Variants in PPP1R16A observed in about 807,000 individuals in gnomAD.
The protein encoded by PPP1R16A is myosin phosphatase-targeting subunit 3.
PPP1R16A carries 39 observed loss-of-function variants against 46.6 expected under a neutral mutation model. That is an observed-to-expected ratio of 0.84 (90% CI 0.65 to 1.09). PPP1R16A has a LOEUF of 1.09. Among genes scored for constraint, PPP1R16A ranks in the 50% least tolerant of loss-of-function variants. The probability of loss-of-function intolerance (pLI) is 0.00; values close to 1 mark genes in which losing one functional copy is unlikely to be tolerated. For missense variants in PPP1R16A, 798 were observed against 735.6 expected, an observed-to-expected ratio of 1.08 and a Z score of -0.98; for synonymous variants, 413 against 321.5, an observed-to-expected ratio of 1.28 and a Z score of -3.04.
chr8:144,501,050 G>T, intron 10 of PPP1R16A, 79 bp downstream of exon 10: 1 of 1,533,398 alleles, frequency 6.5e-7, no homozygotes, highest in South Asian at 1.2e-5. Context: ...CAGCCGAACT[G>T]GGGGCAGAGT....
chr8:144,478,249 G>A (rs1825256946), intron 1 of PPP1R16A, 122 bp downstream of exon 1: 2 of 386,208 alleles, frequency 5.2e-6, no homozygotes, highest in East Asian at 3.7e-5. Context: ...AGAGGAGGCC[G>A]GGCCGGGGAA....
At chr8:144,492,334 C>CTTT (rs5895821) in intron 2 of PPP1R16A, among the ~76,000 whole-genome samples, 3 of 131,762 alleles carry the variant, frequency 2.3e-5, no homozygotes, top group South Asian at 2.5e-4. Context: ...AAAAGGTGTA[C>CTTT]TTTTTTTTTT....
Position 144,502,033 on chromosome 8 carries a change from T to G in PPP1R16A, c.*130T>G. Reference sequence around the variant, plus strand: ...CTACTGTACAGGACACTGGCCCCTCTCAGGTCAGAAGACATGCCTGGAGGG... The same window carrying G: ...CTACTGTACAGGACACTGGCCCCTCGCAGGTCAGAAGACATGCCTGGAGGG... On this transcript the variant is annotated 3_prime_UTR_variant, in exon 12 of 12. Coordinates refer to ENST00000435887, the MANE Select transcript of PPP1R16A (RefSeq NM_001329443.2). 1 of 928,392 alleles carries G rather than the reference T, an allele frequency of 1.1e-6. No homozygotes were observed. Among genetic ancestry groups the G allele is most frequent in the Non-Finnish European group, 1.6e-6 (1 of 643,472 alleles). The allele number at this position is 928,392 out of a possible 1,614,324, so 57.5% of individuals were successfully genotyped here.
intron 3 of PPP1R16A, chr8:144,498,075 C>T (rs1439719109): frequency 8.8e-6 from 4 of 456,124 alleles, no homozygotes; most frequent in Non-Finnish European, 1.8e-5. Context: ...AGACTCCTTC[C>T]TGCCTCCCTC....
In PPP1R16A at chr8:144,501,971, C is replaced by T; in HGVS notation, c.*68C>T. ...CAAGGCTGCCTCCCCACGGTGCGTG[C>T]CCTGGTGCTGCGGGTGCAGCACGGA... On this transcript the variant is annotated 3_prime_UTR_variant, in exon 12 of 12. Coordinates refer to ENST00000435887, the MANE Select transcript of PPP1R16A (RefSeq NM_001329443.2). 2.8e-6 allele frequency: 4 copies of T among 1,428,156 alleles called. No individual in the cohort carries two copies. In the East Asian group the frequency reaches 1.0e-4, roughly 36 times the overall value. 88.5% of individuals were successfully genotyped at this position (1,428,156 alleles called of 1,614,324 possible). A position where few individuals can be genotyped will look rare whatever the true frequency, so the allele number is the denominator to read the frequency against.
rs202096061 is a variant in PPP1R16A, at chr8:144,501,888, C to T, written c.1572C>T (p.Cys524=). 8 of 1,531,646 alleles carry T rather than the reference C, an allele frequency of 5.2e-6. No individual in the cohort carries two copies. The East Asian group carries it at 9.8e-5, about 19-fold the overall frequency. 94.9% of individuals were successfully genotyped at this position (1,531,646 alleles called of 1,614,324 possible). A position where few individuals can be genotyped will look rare whatever the true frequency, so the allele number is the denominator to read the frequency against. ...AVEAPVERRP[C]CLLM is the part of the protein sequence containing the mutation. ...AGGCTCCCGTGGAGAGGAGGCCGTG[C>T]TGCCTGCTCATGTGAGGCTGTTGCT... is the stretch of plus-strand genomic sequence containing the variant. The change falls in exon 12 of 12, where the codon TGC becomes TGT. Residue 524 remains cysteine, a synonymous_variant. Coordinates refer to ENST00000435887, the MANE Select transcript of PPP1R16A (RefSeq NM_001329443.2).
intron 1 of PPP1R16A, among the ~76,000 whole-genome samples, chr8:144,485,843 C>T (rs1825610354): frequency 2.0e-5 from 3 of 152,204 alleles, no homozygotes; most frequent in Non-Finnish European, 4.4e-5. Flanking sequence ...CAGCCACCTC[C>T]CTTTCCCAGC....
At chr8:144,481,930 A>G (rs1484410641) in intron 1 of PPP1R16A, among the ~76,000 whole-genome samples, 2 of 151,992 alleles carry the variant, frequency 1.3e-5, no homozygotes, top group African/African-American at 4.8e-5. Flanking sequence ...GGCGCCTGCC[A>G]CCATGCCCTG....
In PPP1R16A at chr8:144,497,228, C is replaced by G. The variant is rs1213009332; in HGVS notation, c.34C>G (p.Pro12Ala). ...GCACCTGGAGCTGCTGGCAGAGATG[C>G]CCATGGTGGGCAGGATGAGCACACA... ...AEHLELLAEMPMVGRMSTQER... is the reference protein window; with the variant it reads ...AEHLELLAEMAMVGRMSTQER... The change falls in exon 3 of 12, where the codon CCC (proline) becomes GCC (alanine). Residue 12 changes from proline to alanine, a missense_variant. Coordinates refer to ENST00000435887, the MANE Select transcript of PPP1R16A (RefSeq NM_001329443.2). 2 of 1,597,558 alleles carry G rather than the reference C, an allele frequency of 1.3e-6. No individual in the cohort carries two copies. Among genetic ancestry groups the G allele is most frequent in the South Asian group, 2.2e-5 (2 of 88,986 alleles).
At chr8:144,482,026 T>G (rs1454566766) in intron 1 of PPP1R16A, among the ~76,000 whole-genome samples, 1 of 152,128 alleles carries the variant, frequency 6.6e-6, no homozygotes, top group Non-Finnish European at 1.5e-5. Context: ...TCCGCCCGCC[T>G]TGGCCTCCCA....
In PPP1R16A at chr8:144,500,622, G is replaced by A; in HGVS notation, c.831+10G>A. ...GGCCTACTGGGGCCAGGTGAGTGCG[G>A]GCGGGAGCAGGTGGGAGGGGGCTTC... On this transcript the variant is annotated intron_variant, in intron 8 of 11. Transcript: ENST00000435887. 1 of 1,602,476 alleles carries A rather than the reference G, an allele frequency of 6.2e-7. No individual in the cohort carries two copies. The highest frequency in any genetic ancestry group is 1.1e-5 in the South Asian group (1 of 90,872).
chr8:144,488,317 AG>A (rs1320116226), intron 1 of PPP1R16A, among the ~76,000 whole-genome samples: 10 of 152,084 alleles, frequency 6.6e-5, no homozygotes, highest in Non-Finnish European at 1.3e-4. Context: ...AGGAGAGAAA[AG>A]GCAAGGGAAG....
Position 144,501,799 on chromosome 8 carries a change from C to A in PPP1R16A, c.1483C>A (p.Pro495Thr). The change falls in exon 12 of 12, where the codon CCT becomes ACT. Residue 495 changes from proline (P) to threonine (T), a missense_variant. Transcript: ENST00000435887. ...GCCTGGTGACACGGTGACCCCCCAG[C>A]CTGACTGTGGCTTCAGGGCAGGCGG... ...GLPGDTVTPQPDCGFRAGGDP... is the reference protein window; with the variant it reads ...GLPGDTVTPQTDCGFRAGGDP... 1.9e-6 allele frequency: 3 copies of A among 1,557,256 alleles called. No homozygotes were observed. The highest frequency in any genetic ancestry group is 2.6e-6 in the Non-Finnish European group (3 of 1,151,604).
intron 3 of PPP1R16A, 90 bp downstream of exon 3, chr8:144,497,543 C>A: frequency 6.4e-7 from 1 of 1,552,882 alleles, no homozygotes; most frequent in Non-Finnish European, 8.8e-7. Context: ...GGGGGCTGGG[C>A]CTGTCCACAG....
At chr8:144,501,469 A>C in intron 11 of PPP1R16A, 51 bp from the exon 12 acceptor site, 2 of 1,488,908 alleles carry the variant, frequency 1.3e-6, no homozygotes, top group Non-Finnish European at 1.8e-6. Context: ...ACCCAAGGCC[A>C]GGGAGGGGGG....
Position 144,497,327 on chromosome 8 carries a change from C to G in PPP1R16A, c.133C>G (p.Gln45Glu). ...GTGGGCCCAGGCTGAGAAGGAGGCC[C>G]AGGGCAAGAAGGGTCCTGGGGAGCG... ...KMWAQAEKEA[Q>E]GKKGPGERPR... The change falls in exon 3 of 12, where the codon CAG becomes GAG. Residue 45 changes from glutamine to glutamate, a missense_variant. By Grantham distance (29) the Gln-to-Glu change is conservative (BLOSUM62 2). Coordinates refer to ENST00000435887, the MANE Select transcript of PPP1R16A (RefSeq NM_001329443.2). 1 of 1,612,726 alleles carries G rather than the reference C, an allele frequency of 6.2e-7. No individual in the cohort carries two copies. The highest frequency in any genetic ancestry group is 1.7e-4 in the Middle Eastern group (1 of 6,054).
Position 144,479,102 on chromosome 8 carries a change from G to C in PPP1R16A, c.-914+975G>C, listed in dbSNP as rs554753286. The C allele has an allele frequency of 2.0e-5, 3 of 152,378 alleles. No homozygotes were observed. In the East Asian group the frequency reaches 5.8e-4, roughly 29 times the overall value. The allele number at this position is 152,378 out of a possible 1,614,324, so 9.4% of individuals were successfully genotyped here. On this transcript the variant is annotated intron_variant, in intron 1 of 11. Transcript: ENST00000435887. ...CCCAGTTGCTTCCTGGACGTATTGG[G>C]GTTTCTCTGGGAGAAGGGTCTTGCC...
At chr8:144,494,238 C>T (rs1273751767) in intron 2 of PPP1R16A, among the ~76,000 whole-genome samples, 1 of 152,086 alleles carries the variant, frequency 6.6e-6, no homozygotes, top group Non-Finnish European at 1.5e-5. Context: ...TCCCAAAGTG[C>T]TGGGATTACA....
chr8:144,493,411 G>A lies in PPP1R16A; in HGVS notation c.-734-3050G>A, dbSNP rs972465840. On this transcript the variant is annotated intron_variant, in intron 2 of 11. Transcript: ENST00000435887. This position sits in a 1 kb window ranked among gnomAD's most constrained non-coding sequence, Gnocchi z 4.3. ...GGGTGTGTCCATTTGGTGGGACTAC[G>A]AGCTGGCCACCAGGCTCTCATGGCT... Among the ~76,000 whole-genome samples the A allele has an allele frequency of 2.4e-4, 36 of 152,248 alleles. No homozygotes were observed. The highest frequency in any genetic ancestry group is 5.9e-4 in the Admixed American group (9 of 15,302).
Sources: gnomAD v4.1 joint callset for allele counts (sites outside exome capture counted in the v4.1 genomes callset) on GRCh38, gnomAD v4.1.1 for gene constraint, Gnocchi (gnomAD v3.1) non-coding constraint, MANE v1.5 for transcripts, NCBI Gene and HGNC (gene_info 2026-07-23, HGNC 2026-07-21) for gene names.